The following SCNN1B variants were observed in gnomAD, a reference collection of about 807,000 sequenced individuals.
The protein encoded by SCNN1B is epithelial sodium channel subunit beta.
A neutral mutation model predicts 65.3 loss-of-function variants in SCNN1B; 46 were observed. The observed-to-expected ratio is 0.70, with a 90% CI of 0.56 to 0.90. SCNN1B has a LOEUF of 0.90. Ranked by LOEUF, SCNN1B falls within the 40% of genes least tolerant of loss-of-function variation. SCNN1B has a pLI of 0.00. For missense variants in SCNN1B, 751 were observed against 830.5 expected (o/e 0.90, Z 1.18); for synonymous variants, 349 against 330.6 (o/e 1.06, Z -0.60).
intron 1 of SCNN1B, among the ~76,000 whole-genome samples, chr16:23,309,101 T>C (rs183892140): frequency 2.7e-3 from 411 of 152,326 alleles, no homozygotes; most frequent in African/African-American, 9.6e-3. Flanking sequence ...GATAAAGGCA[T>C]GTCCCTCTCG....
intron 2 of SCNN1B, among the ~76,000 whole-genome samples, chr16:23,289,980 A>G (rs544234365): frequency 6.5e-4 from 99 of 152,188 alleles, no homozygotes; most frequent in Admixed American, 2.8e-3. Flanking sequence ...CCGACCCAAT[A>G]TGTAACATTT....
intron 2 of SCNN1B, among the ~76,000 whole-genome samples, chr16:23,350,090 A>G (rs1365360581): frequency 1.3e-5 from 2 of 152,252 alleles, no homozygotes; most frequent in East Asian, 1.9e-4. Flanking sequence ...AAATTAAAAA[A>G]TAAATAAATA....
chr16:23,355,084 G>A (rs1471710681), intron 3 of SCNN1B, among the ~76,000 whole-genome samples: 2 of 152,192 alleles, frequency 1.3e-5, no homozygotes, highest in African/African-American at 4.8e-5. Context: ...GCACCAGCCT[G>A]ATGAGGGGAT....
rs1329526146 is a variant in SCNN1B, at chr16:23,371,327, G to A, written c.909G>A (p.Gln303=). 5.6e-6 allele frequency: 9 copies of A among 1,614,136 alleles called. No individual in the cohort carries two copies. The highest frequency in any genetic ancestry group is 7.6e-6 in the Non-Finnish European group (9 of 1,180,010). The change falls in exon 6 of 13, where the codon CAG becomes CAA. Residue 303 remains glutamine, a synonymous_variant. Transcript: ENST00000343070. ...FGLKLILDIG[Q]EDYVPFLAST... is the part of the protein sequence containing the mutation. Reference sequence around the variant, plus strand: ...TGAAGTTGATCCTGGACATAGGCCAGGAAGACTACGTCCCCTTCCTTGCGT... The same window carrying A: ...TGAAGTTGATCCTGGACATAGGCCAAGAAGACTACGTCCCCTTCCTTGCGT...
intron 11 of SCNN1B, 50 bp downstream of exon 11, chr16:23,378,817 A>C (rs750820671): frequency 5.1e-6 from 8 of 1,560,792 alleles, no homozygotes; most frequent in African/African-American, 1.4e-5. Flanking sequence ...GGGGTCCAGA[A>C]ACTCGGGGCA....
chr16:23,298,644 A>C (rs1034330379), upstream of SCNN1B, among the ~76,000 whole-genome samples: 4 of 152,166 alleles, frequency 2.6e-5, no homozygotes, highest in African/African-American at 9.7e-5. Flanking sequence ...AACGATCCAC[A>C]GTTCTAAACA....
intron 4 of SCNN1B, among the ~76,000 whole-genome samples, chr16:23,360,074 A>G (rs1962507157): frequency 6.6e-6 from 1 of 152,070 alleles, no homozygotes; most frequent in Non-Finnish European, 1.5e-5. Flanking sequence ...GCAGTGGCTC[A>G]CGCCTATAAT....
chr16:23,312,518 G>A (rs1262092960), intron 1 of SCNN1B, among the ~76,000 whole-genome samples: 5 of 152,070 alleles, frequency 3.3e-5, no homozygotes, highest in African/African-American at 1.2e-4. Context: ...ACCCACCCTG[G>A]CTATTGCTCT....
chr16:23,333,813 AAAATT>A (rs113195087), intron 1 of SCNN1B, among the ~76,000 whole-genome samples: 45,141 of 151,562 alleles, frequency 0.3, 7,316 homozygotes, highest in African/African-American at 0.44. Context: ...CTCTAATTTA[AAAATT>A]AAATTAAGTT....
At position 23,380,055 on chromosome 16, in the gene SCNN1B, G is replaced by A; in HGVS notation, c.1467-39G>A. On this transcript the variant is annotated intron_variant, in intron 11 of 12. Transcript: ENST00000343070. The surrounding 1 kb of genome is among the most constrained non-coding windows in gnomAD (Gnocchi z 5.4). ...GTGTGTGTCTGTCTGTTTGGAAGGG[G>A]GATACATTAGTCCCGGCCCTTCTCG... The A allele has an allele frequency of 6.8e-7, 1 of 1,468,868 alleles. No homozygotes were observed. The highest frequency in any genetic ancestry group is 9.5e-7 in the Non-Finnish European group (1 of 1,047,708). 91.0% of individuals were successfully genotyped at this position (1,468,868 alleles called of 1,614,324 possible). A position where few individuals can be genotyped will look rare whatever the true frequency, so the allele number is the denominator to read the frequency against.
intron 1 of SCNN1B, among the ~76,000 whole-genome samples, chr16:23,341,981 C>T (rs997387804): frequency 3.3e-5 from 5 of 152,130 alleles, no homozygotes; most frequent in Non-Finnish European, 7.3e-5. Context: ...CGAGACCACT[C>T]CTGGATATAT....
intron 1 of SCNN1B, among the ~76,000 whole-genome samples, chr16:23,313,096 G>A (rs1961378433): frequency 2.0e-5 from 3 of 151,756 alleles, no homozygotes; most frequent in Admixed American, 2.0e-4. Context: ...TTTGTTTACT[G>A]CTATTGTCCA....
At position 23,372,246 on chromosome 16, in the gene SCNN1B, A is replaced by T. The variant is rs1370667261; in HGVS notation, c.1152+363A>T. 8.5e-6 allele frequency: 3 copies of T among 353,538 alleles called. No homozygotes were observed. The East Asian group carries it at 1.9e-4, about 23-fold the overall frequency. The allele number at this position is 353,538 out of a possible 1,614,324, so 21.9% of individuals were successfully genotyped here. A position where few individuals can be genotyped will look rare whatever the true frequency, so the allele number is the denominator to read the frequency against. ...CTGGAACACATTCCATCGTCATTTA[A>T]TCTTTCAACTGCCTCCTGCCATGAA... On this transcript the variant is annotated intron_variant, in intron 7 of 12. Coordinates refer to ENST00000343070, the MANE Select transcript of SCNN1B (RefSeq NM_000336.3).
intron 1 of SCNN1B, among the ~76,000 whole-genome samples, chr16:23,332,299 G>A (rs1313282178): frequency 2.6e-5 from 4 of 151,814 alleles, no homozygotes; most frequent in Admixed American, 1.3e-4. Context: ...GAGTTCAAGC[G>A]ATTCTCCTGC....
chr16:23,371,448 A>G lies in SCNN1B; in HGVS notation c.1030A>G (p.Ile344Val). Reference protein sequence around the residue: ...IYAMSGTETSIGVLVDKLQRM... With the variant: ...IYAMSGTETSVGVLVDKLQRM... ...CGCCATGTCGGGGACAGAGACGTCC[A>G]TCGGGGTACTCGTGGTATGGCCGGA... The change falls in exon 6 of 13, where the codon ATC becomes GTC. Residue 344 changes from isoleucine (I) to valine (V), a missense_variant. Transcript: ENST00000343070. 6.2e-7 allele frequency: 1 copy of G among 1,613,936 alleles called. No individual in the cohort carries two copies. Among genetic ancestry groups the G allele is most frequent in the Non-Finnish European group, 8.5e-7 (1 of 1,180,004 alleles).
intron 1 of SCNN1B, among the ~76,000 whole-genome samples, chr16:23,347,343 G>A (rs1002827500): frequency 2.6e-5 from 4 of 151,818 alleles, no homozygotes; most frequent in Admixed American, 6.6e-5. Flanking sequence ...TTTGTGCATC[G>A]CCGAATTTCC....
chr16:23,342,105 T>C (rs1325399829), intron 1 of SCNN1B, among the ~76,000 whole-genome samples: 1 of 152,216 alleles, frequency 6.6e-6, no homozygotes, highest in Non-Finnish European at 1.5e-5. Context: ...AACTGATGAA[T>C]GGATAAATAA....
chr16:23,371,858 A>T lies in SCNN1B; in HGVS notation c.1127A>T (p.Asp376Val). The part of the protein sequence containing the change: ...SEVPVQNFYS[D>V]YNTTYSIQAC... Reference sequence around the variant, plus strand: ...GTCCCCGTCCAAAACTTCTACAGTGACTACAACACGACCTACTCCATCCAG... The same window carrying T: ...GTCCCCGTCCAAAACTTCTACAGTGTCTACAACACGACCTACTCCATCCAG... The change falls in exon 7 of 13, where the codon GAC becomes GTC. Residue 376 changes from aspartate to valine, a missense_variant. Coordinates refer to ENST00000343070, the MANE Select transcript of SCNN1B (RefSeq NM_000336.3). 6.2e-7 allele frequency: 1 copy of T among 1,613,950 alleles called. No individual in the cohort carries two copies. Among genetic ancestry groups the T allele is most frequent in the East Asian group, 2.2e-5 (1 of 44,882 alleles).
chr16:23,292,710 C>T (rs575806829), intron 2 of SCNN1B, among the ~76,000 whole-genome samples: 9 of 150,148 alleles, frequency 6.0e-5, no homozygotes, highest in African/African-American at 2.0e-4. Context: ...TGCCATGTTG[C>T]CCAGGCTGGT....
Sources: allele counts gnomAD v4.1 joint callset (sites outside exome capture counted in the v4.1 genomes callset), GRCh38; gene constraint gnomAD v4.1.1; non-coding constraint Gnocchi (gnomAD v3.1); transcripts MANE v1.5; gene names NCBI Gene and HGNC (gene_info 2026-07-23, HGNC 2026-07-21).